Variants in PHKB observed in about 807,000 individuals in gnomAD.
The protein encoded by PHKB is phosphorylase b kinase regulatory subunit beta.
A neutral mutation model predicts 152.1 loss-of-function variants in PHKB; 122 were observed. The ratio of observed to expected loss-of-function variants is 0.80; its 90% CI spans 0.69 to 0.93. The LOEUF is 0.93. Ranked by LOEUF, PHKB falls within the 40% of genes least tolerant of loss-of-function variation. The pLI, the probability that PHKB is intolerant of heterozygous loss-of-function variation, is 0.00. For synonymous variants in PHKB, 436 were observed against 464.9 expected (o/e 0.94, Z 0.80); for missense variants, 1,304 against 1,328.4 (o/e 0.98, Z 0.29).
intron 14 of PHKB, among the ~76,000 whole-genome samples, chr16:47,625,193 G>T (rs377510803): frequency 2.0e-5 from 3 of 152,238 alleles, no homozygotes; most frequent in East Asian, 3.9e-4. Flanking sequence ...ACTCTGCCCC[G>T]TGCAAGTCAT....
chr16:47,472,194 G>A (rs1969781958), intron 1 of PHKB, among the ~76,000 whole-genome samples: 1 of 152,168 alleles, frequency 6.6e-6, no homozygotes, highest in African/African-American at 2.4e-5. Context: ...CTGAGGAATA[G>A]TCTGCAAAGC....
intron 14 of PHKB, among the ~76,000 whole-genome samples, chr16:47,629,576 G>A (rs1421839981): frequency 6.7e-5 from 10 of 149,944 alleles, no homozygotes; most frequent in African/African-American, 9.8e-5. Flanking sequence ...ACTGTTGGTG[G>A]GACTGTAAAC....
At chr16:47,640,934 G>A (rs759578005) in intron 14 of PHKB, 101 bp from the exon 15 acceptor site, 4 of 1,117,250 alleles carry the variant, frequency 3.6e-6, no homozygotes, top group Non-Finnish European at 5.5e-6. Flanking sequence ...TCATTTTAAT[G>A]AACTGCTTAG....
intron 7 of PHKB, among the ~76,000 whole-genome samples, chr16:47,552,290 T>G (rs1971286221): frequency 6.6e-6 from 1 of 152,250 alleles, no homozygotes; most frequent in Non-Finnish European, 1.5e-5. Context: ...CGTTACTTCA[T>G]GCAGTTTCTT....
chr16:47,507,814 CA>C (rs1016846665), intron 4 of PHKB, among the ~76,000 whole-genome samples: 3 of 152,204 alleles, frequency 2.0e-5, no homozygotes, highest in Non-Finnish European at 4.4e-5. Context: ...TTGAAGCATG[CA>C]CCCAGCTCAA....
At chr16:47,554,206 T>G (rs1296469503) in intron 7 of PHKB, among the ~76,000 whole-genome samples, 1 of 152,028 alleles carries the variant, frequency 6.6e-6, no homozygotes, top group African/African-American at 2.4e-5. Flanking sequence ...TTTTCAGAGA[T>G]GCCCTACCCA....
At chr16:47,587,630 T>C in intron 8 of PHKB, 38 bp from the exon 9 acceptor site, 1 of 1,505,200 alleles carries the variant, frequency 6.6e-7, no homozygotes, top group Non-Finnish European at 9.2e-7. Context: ...AAGTCTTTTT[T>C]CTTAATTTAG....
At chr16:47,554,731 C>G (rs1306569897) in intron 7 of PHKB, among the ~76,000 whole-genome samples, 1 of 152,106 alleles carries the variant, frequency 6.6e-6, no homozygotes, top group Non-Finnish European at 1.5e-5. Context: ...TATCGTTCCT[C>G]GCAGCATAGT....
intron 6 of PHKB, among the ~76,000 whole-genome samples, chr16:47,537,413 G>T (rs1970970564): frequency 6.6e-6 from 1 of 152,222 alleles, no homozygotes; most frequent in African/African-American, 2.4e-5. Flanking sequence ...AAGTAGAAAG[G>T]ACTTCTTTAT....
chr16:47,534,811 A>G (rs1044410709), intron 6 of PHKB, among the ~76,000 whole-genome samples: 1 of 152,230 alleles, frequency 6.6e-6, no homozygotes, highest in Non-Finnish European at 1.5e-5. Flanking sequence ...CATTATTTCT[A>G]TGATATTCTT....
intron 6 of PHKB, among the ~76,000 whole-genome samples, chr16:47,522,952 T>C (rs1970709666): frequency 6.6e-6 from 1 of 151,676 alleles, no homozygotes; most frequent in African/African-American, 2.4e-5. Context: ...TTATTGCCTT[T>C]TCAAGTCAAT....
At chr16:47,649,504 A>G (rs1973196830) in intron 18 of PHKB, among the ~76,000 whole-genome samples, 1 of 152,202 alleles carries the variant, frequency 6.6e-6, no homozygotes, top group Admixed American at 6.5e-5. Flanking sequence ...ATGACAGTTT[A>G]TGTCTTTTTG....
At chr16:47,527,001 G>A (rs566008616) in intron 6 of PHKB, among the ~76,000 whole-genome samples, 2 of 152,230 alleles carry the variant, frequency 1.3e-5, no homozygotes, top group Non-Finnish European at 2.9e-5. Flanking sequence ...AAGAGGGAGT[G>A]GGGAGGGAGG....
chr16:47,568,475 C>G (rs564215885), intron 7 of PHKB, among the ~76,000 whole-genome samples: 1 of 152,098 alleles, frequency 6.6e-6, no homozygotes. Flanking sequence ...TTTCAAAGAA[C>G]CAACCTGTTG....
At chr16:47,555,812 A>C (rs922685821) in intron 7 of PHKB, among the ~76,000 whole-genome samples, 3 of 152,206 alleles carry the variant, frequency 2.0e-5, no homozygotes, top group African/African-American at 7.2e-5. Flanking sequence ...TTCTGTGAAG[A>C]AAGTCGTTGG....
At chr16:47,473,239 T>C (rs1969809666) in intron 1 of PHKB, among the ~76,000 whole-genome samples, 1 of 131,530 alleles carries the variant, frequency 7.6e-6, no homozygotes, top group African/African-American at 2.8e-5. Flanking sequence ...TTTTTTTTTT[T>C]TTTTTTTTTT....
At chr16:47,596,089 G>A (rs1972112803) in intron 12 of PHKB, among the ~76,000 whole-genome samples, 1 of 152,106 alleles carries the variant, frequency 6.6e-6, no homozygotes, top group South Asian at 2.1e-4. Context: ...ATCATGGGGG[G>A]CGGTTTCCCC....
chr16:47,630,439 G>A lies in PHKB; in HGVS notation c.1459-10596G>A, dbSNP rs193042975. On this transcript the variant is annotated intron_variant, in intron 14 of 30. Transcript: ENST00000323584. ...AGAGGTTGCAGTGAGCTGAGATTTC[G>A]CTGCTGCACTCCAGCCTGGGTGACA... is the stretch of plus-strand genomic sequence containing the variant. Among the ~76,000 whole-genome samples, 1,167 of 151,796 alleles carry A rather than the reference G, an allele frequency of 7.7e-3. 23 individuals carry two copies. The highest frequency in any genetic ancestry group is 0.055 in the South Asian group (263 of 4,802).
chr16:47,491,353 A>C (rs573211486), intron 1 of PHKB, among the ~76,000 whole-genome samples: 1 of 152,210 alleles, frequency 6.6e-6, no homozygotes, highest in Non-Finnish European at 1.5e-5. Flanking sequence ...CCCAAAAGGC[A>C]GTTTGTAACC....
Sources: allele counts gnomAD v4.1 joint callset (sites outside exome capture counted in the v4.1 genomes callset), GRCh38; gene constraint gnomAD v4.1.1; transcripts MANE v1.5; gene names NCBI Gene and HGNC (gene_info 2026-07-23, HGNC 2026-07-21).